RFX5: variants seen among roughly 807,000 people sequenced by gnomAD.
RFX5 encodes the protein DNA-binding protein RFX5.
In RFX5, 30 loss-of-function variants were observed where a neutral mutation model predicts 41.2. That is an observed-to-expected ratio of 0.73 (90% CI 0.54 to 0.99). The LOEUF (loss-of-function observed/expected upper bound fraction) is 0.99. Ranked by LOEUF, RFX5 falls within the 50% of genes least tolerant of loss-of-function variation. RFX5 has a pLI of 0.00. For synonymous variants in RFX5, 231 were observed against 291.8 expected, an observed-to-expected ratio of 0.79 and a Z score of 2.12; for missense variants, 715 against 773.6, an observed-to-expected ratio of 0.92 and a Z score of 0.90.
rs1256607229 is a variant in RFX5 at position 151,346,230 on chromosome 1, G to A, written c.91C>T (p.Leu31Phe). 1 of 1,614,092 alleles carries A rather than the reference G, an allele frequency of 6.2e-7. No individual in the cohort carries two copies. The highest frequency in any genetic ancestry group is 8.5e-7 in the Non-Finnish European group (1 of 1,180,034). The change falls in exon 3 of 11, where the codon CTT becomes TTT. Residue 31 changes from leucine (L) to phenylalanine (F), a missense_variant. By Grantham distance (22) the Leu-to-Phe change is conservative (BLOSUM62 0). Coordinates refer to ENST00000452671, the MANE Select transcript of RFX5 (RefSeq NM_001025603.2). ...GAEAGEPTTLLQRLRGTISKA... is the reference protein window; with the variant it reads ...GAEAGEPTTLFQRLRGTISKA... ...GAAATGGTACCTCGGAGCCTCTGAA[G>A]AAGGGTGGTAGGTTCCCCAGCCTCA...
Position 151,343,106 on chromosome 1 carries a change from CA to C in RFX5, c.930del (p.Glu311ArgfsTer15). 1.2e-6 allele frequency: 2 copies of C among 1,612,932 alleles called. No individual in the cohort carries two copies. Among genetic ancestry groups the C allele is most frequent in the Non-Finnish European group, 1.7e-6 (2 of 1,180,024 alleles). Reference protein sequence around the residue: ...LARGERKKSVVESSAPGANNL... With the variant: ...LARGERKKSVXESSAPGANNL... ...TTATTGGCTCCTGGGGCCGAGCTCT[CA>C]ACTACACTCTTCTTCCGCTCTCCAC... On this transcript the variant is annotated frameshift_variant, in exon 11 of 11. Transcript: ENST00000452671. LOFTEE classifies it high-confidence loss of function.
At chr1:151,345,748 C>CAG (rs1463071024) in intron 4 of RFX5, among the ~76,000 whole-genome samples, 180 bp downstream of exon 4, 1 of 152,074 alleles carries the variant, frequency 6.6e-6, no homozygotes, top group Non-Finnish European at 1.5e-5. Flanking sequence ...CAAGTGCTCA[C>CAG]AGAGATCAAG....
Position 151,342,399 on chromosome 1 carries a change from G to A in RFX5, c.1638C>T (p.Pro546=), listed in dbSNP as rs145909673. The A allele has an allele frequency of 1.4e-5, 22 of 1,613,968 alleles. No homozygotes were observed. The highest frequency in any genetic ancestry group is 4.5e-5 in the East Asian group (2 of 44,886). Reference sequence around the variant, plus strand: ...CTGCTTCTTTGGTATGCTGGGAACCGGGGCCCCTTCCTCCTTTGGAAACAG... The same window carrying A: ...CTGCTTCTTTGGTATGCTGGGAACCAGGGCCCCTTCCTCCTTTGGAAACAG... ...DGTVSKGGRG[P]GSQHTKEAED... The change falls in exon 11 of 11, where the codon CCC becomes CCT. Residue 546 remains proline (P), a synonymous_variant. Coordinates refer to ENST00000452671, the MANE Select transcript of RFX5 (RefSeq NM_001025603.2).
In RFX5 at chr1:151,342,943, A is replaced by C; in HGVS notation, c.1094T>G (p.Leu365Arg). 6.2e-7 allele frequency: 1 copy of C among 1,614,106 alleles called. No individual in the cohort carries two copies. The highest frequency in any genetic ancestry group is 1.6e-4 in the Middle Eastern group (1 of 6,062). Residue 365 changes from leucine (L) to arginine (R), a missense_variant, in exon 11 of 11, where the codon CTG becomes CGG. Leu to Arg is a moderately radical substitution (Grantham distance 102, BLOSUM62 -2). Coordinates refer to ENST00000452671, the MANE Select transcript of RFX5 (RefSeq NM_001025603.2). ...TGCCCCGGCCCTACTAGACAGAGGC[A>C]GTGTAGCCACTTTCAGGGCACCTGA... is the stretch of plus-strand genomic sequence containing the variant. ...LSSGALKVAT[L>R]PLSSRAGAPP...
At chr1:151,344,627 C>T in intron 6 of RFX5, 91 bp from the exon 7 acceptor site, 1 of 1,600,744 alleles carries the variant, frequency 6.2e-7, no homozygotes, top group Non-Finnish European at 8.5e-7. Flanking sequence ...TGTGAGGAAC[C>T]CTTTAAGAAG....
chr1:151,345,055 C>T lies in RFX5; in HGVS notation c.233+51G>A, dbSNP rs145725917. 6.7e-5 allele frequency: 105 copies of T among 1,573,668 alleles called. 1 individual carries two copies. The East Asian group carries it at 1.3e-3, about 19-fold the overall frequency. Reference sequence around the variant, plus strand: ...TTCACCTCACCCCTTCCCAGTGAACCTTTCTCTAAGAATCAGAACCTCTGC... The same window carrying T: ...TTCACCTCACCCCTTCCCAGTGAACTTTTCTCTAAGAATCAGAACCTCTGC... On this transcript the variant is annotated intron_variant, in intron 5 of 10. Transcript: ENST00000452671.
chr1:151,343,086 G>A lies in RFX5; in HGVS notation c.951C>T (p.Ala317=). The A allele has an allele frequency of 6.2e-7, 1 of 1,613,266 alleles. No individual in the cohort carries two copies. The highest frequency in any genetic ancestry group is 2.2e-5 in the East Asian group (1 of 44,884). ...CTAGGGCATTAACCTGCAGGTTATT[G>A]GCTCCTGGGGCCGAGCTCTCAACTA... is the stretch of plus-strand genomic sequence containing the variant. ...KSVVESSAPG[A]NNLQVNALVA... Residue 317 remains alanine (A), a synonymous_variant, in exon 11 of 11, where the codon GCC becomes GCT. Transcript: ENST00000452671.
chr1:151,346,072 G>T, intron 3 of RFX5, 111 bp from the exon 4 acceptor site: 2 of 1,583,370 alleles, frequency 1.3e-6, no homozygotes, highest in South Asian at 2.2e-5. Context: ...CTCAAGAATT[G>T]CTACCATGGC....
Position 151,341,268 on chromosome 1 carries a change from CTTCT to C in RFX5, c.*914_*917del, listed in dbSNP as rs1211425432. ...GAGGAGAATGGCTTCCCTCTCCTTC[CTTCT>C]GAGACTAGAAACGAGGAAAGAGGCT... is the stretch of plus-strand genomic sequence containing the variant. On this transcript the variant is annotated 3_prime_UTR_variant, in exon 11 of 11. Coordinates refer to ENST00000452671, the MANE Select transcript of RFX5 (RefSeq NM_001025603.2). 3 of 152,214 alleles carry C rather than the reference CTTCT, an allele frequency of 2.0e-5. No homozygotes were observed. The highest frequency in any genetic ancestry group is 2.1e-4 in the South Asian group (1 of 4,826). The allele number at this position is 152,214 out of a possible 1,614,324, so 9.4% of individuals were successfully genotyped here.
In RFX5 at chr1:151,346,275, T is replaced by G; in HGVS notation, c.46A>C (p.Arg16=). 1.9e-6 allele frequency: 3 copies of G among 1,614,142 alleles called. No homozygotes were observed. Among genetic ancestry groups the G allele is most frequent in the Middle Eastern group, 1.7e-4 (1 of 6,058 alleles). The change falls in exon 3 of 11, where the codon AGG becomes CGG. Residue 16 remains arginine, a synonymous_variant. Coordinates refer to ENST00000452671, the MANE Select transcript of RFX5 (RefSeq NM_001025603.2). ...GCCTCAGCACCACCTGGGGGGGCCC[T>G]TCCCCCAGTCTTGGGGCTCTTAGCA... ...PDAKSPKTGG[R]APPGGAEAGE... is the part of the protein sequence containing the mutation.
rs1481795032 is a variant in RFX5 at position 151,341,634 on chromosome 1, T to C, written c.*552A>G. The C allele has an allele frequency of 4.3e-6, 1 of 233,886 alleles. No homozygotes were observed. Among genetic ancestry groups the C allele is most frequent in the Non-Finnish European group, 8.5e-6 (1 of 116,996 alleles). The allele number at this position is 233,886 out of a possible 1,614,324, so 14.5% of individuals were successfully genotyped here. ...CTGGTACAAAGATGCCTTCTTTTTC[T>C]GATTGGACATAAATGGGGAAAAGTG... On this transcript the variant is annotated 3_prime_UTR_variant, in exon 11 of 11. Coordinates refer to ENST00000452671, the MANE Select transcript of RFX5 (RefSeq NM_001025603.2).
intron 3 of RFX5, 60 bp downstream of exon 3, chr1:151,346,145 G>A: frequency 1.3e-6 from 2 of 1,569,364 alleles, no homozygotes; most frequent in East Asian, 2.2e-5. Flanking sequence ...CCAAAGTGAA[G>A]TGCTGCAGGG....
At position 151,342,218 on chromosome 1, in the gene RFX5, C is replaced by G; in HGVS notation, c.1819G>C (p.Glu607Gln). The G allele has an allele frequency of 6.2e-7, 1 of 1,614,176 alleles. No homozygotes were observed. Among genetic ancestry groups the G allele is most frequent in the Non-Finnish European group, 8.5e-7 (1 of 1,180,030 alleles). Residue 607 changes from glutamate (E) to glutamine (Q), a missense_variant, in exon 11 of 11, where the codon GAG (glutamate) becomes CAG (glutamine). Coordinates refer to ENST00000452671, the MANE Select transcript of RFX5 (RefSeq NM_001025603.2). The stretch of plus-strand genomic sequence containing the variant: ...GGTGTTGCTTTTGGGTCTTTATGCT[C>G]CTGGGATAAGGAACTTTGAAGCACA... ...EHVLQSSLSQ[E>Q]HKDPKATPP
In RFX5 at chr1:151,344,549, G is replaced by A. The variant is rs201366378; in HGVS notation, c.354-13C>T. On this transcript the variant is annotated splice_polypyrimidine_tract_variant and intron_variant, in intron 6 of 10. Transcript: ENST00000452671. ...CTCACAGTACTTCCTGAGTGAGAGGGGAGCAGAGTGGGAAGATACTCAGAG... is the reference window on the plus strand; with the variant it reads ...CTCACAGTACTTCCTGAGTGAGAGGAGAGCAGAGTGGGAAGATACTCAGAG... The A allele has an allele frequency of 9.9e-6, 16 of 1,614,150 alleles. No individual in the cohort carries two copies. In the African/African-American group the frequency reaches 1.7e-4, roughly 17 times the overall value.
chr1:151,341,240 C>G lies in RFX5; in HGVS notation c.*946G>C, dbSNP rs1650421686. On this transcript the variant is annotated 3_prime_UTR_variant, in exon 11 of 11. Coordinates refer to ENST00000452671, the MANE Select transcript of RFX5 (RefSeq NM_001025603.2). ...TCATCTAAATGAGACTGAAGAGTCCCTAGAGGAGAATGGCTTCCCTCTCCT... is the reference window on the plus strand; with the variant it reads ...TCATCTAAATGAGACTGAAGAGTCCGTAGAGGAGAATGGCTTCCCTCTCCT... The G allele has an allele frequency of 6.6e-6, 1 of 152,128 alleles. No individual in the cohort carries two copies. The highest frequency in any genetic ancestry group is 1.5e-5 in the Non-Finnish European group (1 of 68,046). The allele number at this position is 152,128 out of a possible 1,614,324, so 9.4% of individuals were successfully genotyped here.
Position 151,344,734 on chromosome 1 carries a change from GCAT to G in RFX5, c.344_346del (p.Asp115del). On this transcript the variant is annotated inframe_deletion, in exon 6 of 11. Coordinates refer to ENST00000452671, the MANE Select transcript of RFX5 (RefSeq NM_001025603.2). ...CACCCACCCCTCCACCCACCGATAGGCATCATAAACACTTTGCTTTGGCAGACA... is the reference window on the plus strand; with the variant it reads ...CACCCACCCCTCCACCCACCGATAGGCATAAACACTTTGCTTTGGCAGACA... The G allele has an allele frequency of 2.5e-6, 4 of 1,596,932 alleles. No individual in the cohort carries two copies. Among genetic ancestry groups the G allele is most frequent in the Non-Finnish European group, 3.4e-6 (4 of 1,171,472 alleles).
intron 10 of RFX5, 62 bp downstream of exon 10, chr1:151,343,280 G>C: frequency 7.5e-6 from 12 of 1,606,682 alleles, no homozygotes; most frequent in Non-Finnish European, 1.0e-5. Context: ...GGACCCAATT[G>C]GAGAAGGATA....
At chr1:151,343,475 G>C in intron 9 of RFX5, 33 bp from the exon 10 acceptor site, 1 of 1,595,090 alleles carries the variant, frequency 6.3e-7, no homozygotes, top group Non-Finnish European at 8.6e-7. Flanking sequence ...ATAGAGTGAA[G>C]GTGAGGAGGA....
In RFX5 at chr1:151,343,445, GCA is replaced by G; in HGVS notation, c.758-5_758-4del. On this transcript the variant is annotated splice_polypyrimidine_tract_variant and splice_region_variant and intron_variant, in intron 9 of 10. Transcript: ENST00000452671. The stretch of plus-strand genomic sequence containing the variant: ...CCGAGGTGCATGTTCGTCCTCTTCT[GCA>G]GAGGTACCAAAAAGGTAATAGAGTG... 1 of 1,613,720 alleles carries G rather than the reference GCA, an allele frequency of 6.2e-7. No individual in the cohort carries two copies. The highest frequency in any genetic ancestry group is 8.5e-7 in the Non-Finnish European group (1 of 1,179,764).
Sources: gnomAD v4.1 joint callset for allele counts (sites outside exome capture counted in the v4.1 genomes callset) on GRCh38, gnomAD v4.1.1 for gene constraint, MANE v1.5 for transcripts, NCBI Gene and HGNC (gene_info 2026-07-23, HGNC 2026-07-21) for gene names.